ATP8A2: variants seen among roughly 807,000 people sequenced by gnomAD.
ATP8A2 encodes the protein ATPase phospholipid transporting 8A2.
ATP8A2 carries 100 observed loss-of-function variants against 165.6 expected under a neutral mutation model. The observed-to-expected ratio is 0.60, with a 90% CI of 0.51 to 0.71. The LOEUF (loss-of-function observed/expected upper bound fraction) is 0.71. ATP8A2 is among the 30% of genes least tolerant of loss of function. The pLI is 0.00. For missense variants in ATP8A2, 1,227 were observed against 1,479.5 expected (o/e 0.83, Z 2.80); for synonymous variants, 543 against 548.8 (o/e 0.99, Z 0.15).
intron 1 of ATP8A2, among the ~76,000 whole-genome samples, chr13:25,451,852 G>GTTTTT (rs67427237): frequency 2.0e-5 from 3 of 146,798 alleles, no homozygotes; most frequent in Non-Finnish European, 3.0e-5. Context: ...TACCTTCATG[G>GTTTTT]TTTTTTTTTT....
At chr13:25,421,160 C>T (rs916537837) in intron 1 of ATP8A2, among the ~76,000 whole-genome samples, 36 of 152,192 alleles carry the variant, frequency 2.4e-4, no homozygotes, top group Admixed American at 1.7e-3. Flanking sequence ...AAAATCATTT[C>T]GCATAGAGTA....
Position 25,543,306 on chromosome 13 carries a change from G to T in ATP8A2, c.795G>T (p.Gly265=). The change falls in exon 10 of 37, where the codon GGG becomes GGT. Residue 265 remains glycine, a synonymous_variant. Transcript: ENST00000381655. Reference sequence around the variant, plus strand: ...TTATTTTTAGCCTTGTTGCCCTTGGGCCTGACCAGATCTTATTAAGAGGTA... The same window carrying T: ...TTATTTTTAGCCTTGTTGCCCTTGGTCCTGACCAGATCTTATTAAGAGGTA... The part of the protein sequence containing the change: ...NLDGKSLVAL[G]PDQILLRGTQ... 3.7e-6 allele frequency: 6 copies of T among 1,607,754 alleles called. No homozygotes were observed. The South Asian group carries it at 6.6e-5, about 18-fold the overall frequency.
intron 35 of ATP8A2, among the ~76,000 whole-genome samples, chr13:25,989,852 C>T (rs1265947503): frequency 6.6e-6 from 1 of 152,182 alleles, no homozygotes; most frequent in Non-Finnish European, 1.5e-5. Context: ...TCATGATTTC[C>T]ACTCAACAGG....
rs567039774 is a variant in ATP8A2, at chr13:25,374,790, T to C, written c.76+2502T>C. 1.1e-4 allele frequency among the ~76,000 whole-genome samples: 17 copies of C among 152,166 alleles called. No homozygotes were observed. In the East Asian group the frequency reaches 3.3e-3, roughly 29 times the overall value. ...TAGTGTGGGCTCCTGGGGACACTGATGGAAACAGGGGCAGAGGGCCTGACA... is the reference window on the plus strand; with the variant it reads ...TAGTGTGGGCTCCTGGGGACACTGACGGAAACAGGGGCAGAGGGCCTGACA... On this transcript the variant is annotated intron_variant, in intron 1 of 36. Coordinates refer to ENST00000381655, the MANE Select transcript of ATP8A2 (RefSeq NM_016529.6).
At chr13:25,635,112 G>C (rs2137534374) in intron 24 of ATP8A2, among the ~76,000 whole-genome samples, 1 of 152,306 alleles carries the variant, frequency 6.6e-6, no homozygotes, top group Middle Eastern at 3.4e-3. Flanking sequence ...ACTTTGCTCT[G>C]TGCTGGGGAT....
chr13:25,832,130 G>A (rs780593121), intron 28 of ATP8A2, among the ~76,000 whole-genome samples: 3 of 151,800 alleles, frequency 2.0e-5, no homozygotes, highest in South Asian at 4.2e-4. Flanking sequence ...TAATAGAGAC[G>A]GGGTTTCACC....
chr13:25,983,628 G>A (rs958598752), intron 35 of ATP8A2, among the ~76,000 whole-genome samples: 5 of 152,152 alleles, frequency 3.3e-5, no homozygotes, highest in African/African-American at 1.2e-4. Context: ...TAGGGTTTCT[G>A]AGAACTTTCC....
intron 33 of ATP8A2, among the ~76,000 whole-genome samples, chr13:25,908,820 A>G (rs1266620781): frequency 1.3e-5 from 2 of 152,184 alleles, no homozygotes; most frequent in African/African-American, 4.8e-5. Context: ...CAGCATTTTC[A>G]TTTCCCAGCC....
At chr13:25,669,054 T>A (rs1240784836) in intron 24 of ATP8A2, among the ~76,000 whole-genome samples, 6 of 152,188 alleles carry the variant, frequency 3.9e-5, no homozygotes. Flanking sequence ...ATAGTTTCTG[T>A]CAATTTATTT....
intron 1 of ATP8A2, among the ~76,000 whole-genome samples, chr13:25,384,048 TA>T (rs1283199519): frequency 6.6e-6 from 1 of 152,202 alleles, no homozygotes; most frequent in African/African-American, 2.4e-5. Context: ...TTCATGTCCC[TA>T]AAAACGCTTT....
chr13:25,580,419 T>A (rs2039742180), intron 22 of ATP8A2, among the ~76,000 whole-genome samples: 1 of 152,238 alleles, frequency 6.6e-6, no homozygotes, highest in Admixed American at 6.5e-5. Flanking sequence ...TCCTAAGGCT[T>A]TAGCTCACTT....
At chr13:25,531,375 T>TTA (rs1383926359) in intron 4 of ATP8A2, among the ~76,000 whole-genome samples, 1 of 83,144 alleles carries the variant, frequency 1.2e-5, no homozygotes, top group African/African-American at 6.1e-5. Context: ...TATATATATG[T>TTA]TATATATATG....
chr13:25,815,153 C>T (rs1950978800), intron 27 of ATP8A2, among the ~76,000 whole-genome samples: 1 of 152,138 alleles, frequency 6.6e-6, no homozygotes, highest in Admixed American at 6.5e-5. Context: ...GCAGTGTTTA[C>T]TTGAACACCA....
At chr13:25,790,245 A>T (rs939826802) in intron 27 of ATP8A2, among the ~76,000 whole-genome samples, 2 of 152,118 alleles carry the variant, frequency 1.3e-5, no homozygotes, top group African/African-American at 4.8e-5. Context: ...TAAACTAAAG[A>T]CCTCTGCACA....
intron 1 of ATP8A2, among the ~76,000 whole-genome samples, chr13:25,424,296 TTC>T (rs1388867424): frequency 1.3e-5 from 2 of 152,370 alleles, no homozygotes; most frequent in African/African-American, 4.8e-5. Flanking sequence ...ATATCCATTC[TTC>T]CCATTCTTGT....
intron 2 of ATP8A2, among the ~76,000 whole-genome samples, chr13:25,521,987 GT>G (rs1310505811): frequency 6.6e-6 from 1 of 152,110 alleles, no homozygotes; most frequent in African/African-American, 2.4e-5. Flanking sequence ...TTAGAATTGT[GT>G]TTTTCTGTTT....
chr13:25,458,360 C>T (rs2035417318), intron 1 of ATP8A2, among the ~76,000 whole-genome samples: 1 of 152,194 alleles, frequency 6.6e-6, no homozygotes, highest in Non-Finnish European at 1.5e-5. Flanking sequence ...ACATTTTCCA[C>T]ATTAAAGAAG....
chr13:25,532,344 T>G, intron 5 of ATP8A2, 27 bp downstream of exon 5: 1 of 1,581,274 alleles, frequency 6.3e-7, no homozygotes, highest in South Asian at 1.2e-5. Context: ...AAGGACTTTT[T>G]CCACTGGAAA....
At chr13:25,630,835 T>TGA (rs142375816) in intron 24 of ATP8A2, among the ~76,000 whole-genome samples, 5,208 of 150,078 alleles carry the variant, frequency 0.035, 152 homozygotes, top group East Asian at 0.13. Context: ...CATCATCTAT[T>TGA]AAAAAAAAAA....
Sources: allele counts gnomAD v4.1 joint callset (sites outside exome capture counted in the v4.1 genomes callset), GRCh38; gene constraint gnomAD v4.1.1; transcripts MANE v1.5; gene names NCBI Gene and HGNC (gene_info 2026-07-23, HGNC 2026-07-21).